Variants in LOC112694756 observed in about 807,000 individuals in gnomAD.
the LOC112694756 span, among the ~76,000 whole-genome samples, chr16:30,056,200 C>T: frequency 1.5e-5 from 2 of 135,004 alleles, no homozygotes; most frequent in Non-Finnish European, 3.4e-5. Flanking sequence ...ATGTCCACCT[C>T]CTGGGTTCAA....
At chr16:30,058,323 G>A in the LOC112694756 span, among the ~76,000 whole-genome samples, 1 of 152,108 alleles carries the variant, frequency 6.6e-6, no homozygotes, top group Non-Finnish European at 1.5e-5. Context: ...AGCCCAGAAG[G>A]TTACAAATGT....
the LOC112694756 span, chr16:30,069,210 A>G: frequency 1.4e-6 from 2 of 1,444,910 alleles, no homozygotes; most frequent in Non-Finnish European, 1.9e-6. Flanking sequence ...AGTCCCTGGC[A>G]TCATCAAGAT....
chr16:30,057,912 C>T, the LOC112694756 span, among the ~76,000 whole-genome samples: 1 of 151,212 alleles, frequency 6.6e-6, no homozygotes. Flanking sequence ...GCCTGGGTGA[C>T]AGAGTGAGAC....
the LOC112694756 span, chr16:30,064,042 G>A: frequency 2.5e-6 from 1 of 398,928 alleles, no homozygotes; most frequent in Admixed American, 4.4e-5. Flanking sequence ...CTCCTCTGGA[G>A]GGCCAGAAAA....
chr16:30,067,679 G>A, the LOC112694756 span: 15 of 1,613,698 alleles, frequency 9.3e-6, no homozygotes, highest in South Asian at 5.5e-5. Flanking sequence ...GAGGGCCTCC[G>A]GACGTGAGGT....
At chr16:30,066,786 C>G in the LOC112694756 span, 17 of 1,366,448 alleles carry the variant, frequency 1.2e-5, no homozygotes, top group Non-Finnish European at 1.7e-5. Flanking sequence ...AAGCACAGAC[C>G]TTTCCCATAT....
chr16:30,058,742 A>G, the LOC112694756 span, among the ~76,000 whole-genome samples: 4 of 151,384 alleles, frequency 2.6e-5, no homozygotes, highest in East Asian at 2.0e-4. Flanking sequence ...TTGGCCTCCC[A>G]AAGTGCTGGG....
At chr16:30,069,455 C>T in the LOC112694756 span, 1 of 1,613,840 alleles carries the variant, frequency 6.2e-7, no homozygotes, top group African/African-American at 1.3e-5. Context: ...AACCCCTATC[C>T]TCTCCTCCAC....
the LOC112694756 span, among the ~76,000 whole-genome samples, chr16:30,060,045 C>G: frequency 6.6e-6 from 1 of 152,106 alleles, no homozygotes; most frequent in Non-Finnish European, 1.5e-5. Context: ...GTAAAACAAT[C>G]TCGGCTCACT....
At chr16:30,070,027 C>T in the LOC112694756 span, 2 of 1,613,792 alleles carry the variant, frequency 1.2e-6, no homozygotes, top group South Asian at 1.1e-5. Context: ...CAAGCGAGCC[C>T]TGGTAAGGAT....
chr16:30,061,142 A>T, the LOC112694756 span, among the ~76,000 whole-genome samples: 2 of 152,272 alleles, frequency 1.3e-5, no homozygotes, highest in African/African-American at 4.8e-5. Flanking sequence ...TGCCTAAGGC[A>T]GTTGCGGGTC....
the LOC112694756 span, chr16:30,054,885 G>A: frequency 2.5e-6 from 1 of 399,116 alleles, no homozygotes; most frequent in Non-Finnish European, 4.4e-6. Context: ...GCATCTATTT[G>A]TTGCTGCTGG....
the LOC112694756 span, chr16:30,069,612 T>C: frequency 1.2e-6 from 2 of 1,614,060 alleles, no homozygotes; most frequent in South Asian, 1.1e-5. Flanking sequence ...AGTTTTCTCA[T>C]GAGGAGATTG....
chr16:30,068,924 C>CG, the LOC112694756 span: 1 of 1,614,222 alleles, frequency 6.2e-7, no homozygotes. Flanking sequence ...CCTCAGCCCT[C>CG]GCCATCATGG....
the LOC112694756 span, chr16:30,065,549 A>T: frequency 6.6e-6 from 1 of 152,068 alleles, no homozygotes; most frequent in Non-Finnish European, 1.5e-5. Context: ...GACCCGCGGG[A>T]TGTGGTCCGA....
At chr16:30,058,539 G>A in the LOC112694756 span, among the ~76,000 whole-genome samples, 3 of 149,976 alleles carry the variant, frequency 2.0e-5, no homozygotes, top group Non-Finnish European at 4.4e-5. Flanking sequence ...ATGCTGGAGT[G>A]CAGTGGTGCA....
the LOC112694756 span, among the ~76,000 whole-genome samples, chr16:30,065,137 AT>A: frequency 6.6e-6 from 1 of 152,172 alleles, no homozygotes; most frequent in East Asian, 1.9e-4. Flanking sequence ...TGGAACTCGG[AT>A]GGGGAGGTCT....
the LOC112694756 span, chr16:30,067,198 G>C: frequency 6.2e-7 from 1 of 1,611,762 alleles, no homozygotes; most frequent in East Asian, 2.2e-5. Flanking sequence ...GGAAACCCTA[G>C]CTAACTAGTC....
the LOC112694756 span, chr16:30,069,858 TGAG>T: frequency 1.2e-6 from 2 of 1,613,726 alleles, no homozygotes; most frequent in Non-Finnish European, 1.7e-6. Flanking sequence ...GAGGCCAGAG[TGAG>T]GAGGAGGCGT....
Sources: gnomAD v4.1 joint callset for allele counts (sites outside exome capture counted in the v4.1 genomes callset) on GRCh38, gnomAD v4.1.1 for gene constraint, MANE v1.5 for transcripts.